The following MUSK variants were observed in gnomAD, a reference collection of about 807,000 sequenced individuals.
MUSK encodes muscle, skeletal receptor tyrosine-protein kinase.
Under a neutral mutation model 88.7 loss-of-function variants are expected in MUSK, and 55 were observed. The ratio of observed to expected loss-of-function variants is 0.62; its 90% confidence interval spans 0.50 to 0.78. The LOEUF (loss-of-function observed/expected upper bound fraction) is 0.78, where lower values mean the gene tolerates loss of function less well. MUSK is among the 30% of genes least tolerant of loss of function. The pLI is 0.00. For synonymous variants in MUSK, 387 were observed against 391.9 expected (o/e 0.99, Z 0.15); for missense variants, 1,015 against 1,074.3 (o/e 0.94, Z 0.77).
intron 14 of MUSK, among the ~76,000 whole-genome samples, chr9:110,799,983 C>T (rs1018993146): frequency 2.0e-5 from 3 of 152,128 alleles, no homozygotes; most frequent in Non-Finnish European, 2.9e-5. Context: ...AGAACTGATA[C>T]ACCATGTACT....
chr9:110,701,358 G>T (rs1587925222), intron 5 of MUSK, among the ~76,000 whole-genome samples: 1 of 152,202 alleles, frequency 6.6e-6, no homozygotes, highest in Non-Finnish European at 1.5e-5. Context: ...GTTTTGTCAG[G>T]AAGGAAAATA....
chr9:110,742,659 T>C (rs1026098733), intron 6 of MUSK, among the ~76,000 whole-genome samples: 3 of 152,218 alleles, frequency 2.0e-5, no homozygotes, highest in South Asian at 2.1e-4. Context: ...TAGTTTAAGA[T>C]AGTTGAGGCC....
intron 6 of MUSK, among the ~76,000 whole-genome samples, chr9:110,742,183 G>A (rs1477520978): frequency 6.6e-6 from 1 of 152,108 alleles, no homozygotes; most frequent in Non-Finnish European, 1.5e-5. Context: ...TGGGCCGGGT[G>A]CGGTGACTCA....
intron 7 of MUSK, among the ~76,000 whole-genome samples, chr9:110,755,951 CACATATATATATACATATATATATAT>C (rs2077311228): frequency 2.0e-5 from 2 of 101,792 alleles, no homozygotes; most frequent in African/African-American, 4.3e-5. Flanking sequence ...TATATATATA[CACATATATATATACATATATATATAT>C]ACATATATAT....
rs528571423 is a variant in MUSK, at chr9:110,801,950, T to C, written c.*962T>C. Among the ~76,000 whole-genome samples, 36 of 152,316 alleles carry C rather than the reference T, an allele frequency of 2.4e-4. No homozygotes were observed. The highest frequency in any genetic ancestry group is 8.7e-4 in the African/African-American group (36 of 41,568). ...ATATGCCTTTTGCAAAGTATTACTATTTTTCCTGCATTTGCCTTTGAAGCC... is the reference window on the plus strand; with the variant it reads ...ATATGCCTTTTGCAAAGTATTACTACTTTTCCTGCATTTGCCTTTGAAGCC... On this transcript the variant is annotated 3_prime_UTR_variant, in exon 15 of 15. Coordinates refer to ENST00000374448, the MANE Select transcript of MUSK (RefSeq NM_005592.4).
chr9:110,719,472 T>C (rs143788650), intron 5 of MUSK, among the ~76,000 whole-genome samples: 114 of 151,836 alleles, frequency 7.5e-4, no homozygotes, highest in African/African-American at 2.6e-3. Context: ...TATAGAGCAA[T>C]AGCAGTTAAG....
At chr9:110,675,733 C>A (rs1210122265) in intron 1 of MUSK, among the ~76,000 whole-genome samples, 2 of 150,496 alleles carry the variant, frequency 1.3e-5, no homozygotes, top group African/African-American at 2.5e-5. Flanking sequence ...CCACACCCAG[C>A]TAATTTTTGT....
At chr9:110,690,237 A>T (rs1216112349) in intron 3 of MUSK, among the ~76,000 whole-genome samples, 7 of 62,744 alleles carry the variant, frequency 1.1e-4, no homozygotes, top group African/African-American at 2.2e-4. Flanking sequence ...TATATATTTA[A>T]GTATATATAA....
rs1274259064 is a variant in MUSK at position 110,701,877 on chromosome 9, T to A, written c.628+4411T>A. ...TTATTTTATTTTATTTTATTTTATT[T>A]TATTTTATTTTATTTTATTTTATTT... On this transcript the variant is annotated intron_variant, in intron 5 of 14. Transcript: ENST00000374448. Among the ~76,000 whole-genome samples the A allele has an allele frequency of 8.9e-5, 8 of 89,538 alleles. 1 individual carries two copies. Among genetic ancestry groups the A allele is most frequent in the Non-Finnish European group, 1.6e-4 (8 of 50,882 alleles). The allele number at this position is 89,538 out of a possible 152,430, so 58.7% of individuals were successfully genotyped here.
intron 1 of MUSK, among the ~76,000 whole-genome samples, chr9:110,673,099 C>T (rs1276777966): frequency 6.6e-6 from 1 of 152,100 alleles, no homozygotes; most frequent in African/African-American, 2.4e-5. Flanking sequence ...TACAACTGAT[C>T]CATGTGATTG....
At chr9:110,744,991 C>T (rs146073444) in intron 6 of MUSK, among the ~76,000 whole-genome samples, 3 of 152,192 alleles carry the variant, frequency 2.0e-5, no homozygotes, top group Non-Finnish European at 4.4e-5. Context: ...ATCAAAAATA[C>T]TAAACTGTTG....
rs1375097086 is a variant in MUSK at position 110,690,016 on chromosome 9, T to TA, written c.358+2750dup. On this transcript the variant is annotated intron_variant, in intron 3 of 14. Transcript: ENST00000374448. Reference sequence around the variant, plus strand: ...TTATATATTATATATTATAAATATATAATATATATTATATATTAATATAAG... The same window carrying TA: ...TTATATATTATATATTATAAATATATAAATATATATTATATATTAATATAAG... Among the ~76,000 whole-genome samples the TA allele has an allele frequency of 3.5e-3, 328 of 93,534 alleles. 3 individuals carry two copies. Among genetic ancestry groups the TA allele is most frequent in the African/African-American group, 0.014 (316 of 21,800 alleles). 61.4% of individuals were successfully genotyped at this position (93,534 alleles called of 152,430 possible).
rs142361883 is a variant in MUSK, at chr9:110,733,319, G to T, written c.629-932G>T. On this transcript the variant is annotated intron_variant, in intron 5 of 14. Transcript: ENST00000374448. ...AAACCAACTTACTTAAATTAACAAA[G>T]ATTTGGTTTTCACTGCTATAAGATA... 3.5e-4 allele frequency among the ~76,000 whole-genome samples: 53 copies of T among 152,128 alleles called. No individual in the cohort carries two copies. In the East Asian group the frequency reaches 8.7e-3, roughly 25 times the overall value.
At chr9:110,676,948 C>T (rs1355620202) in intron 1 of MUSK, among the ~76,000 whole-genome samples, 2 of 152,148 alleles carry the variant, frequency 1.3e-5, no homozygotes, top group East Asian at 1.9e-4. Context: ...TCTTCAGCTG[C>T]CTACCAGCAA....
intron 7 of MUSK, among the ~76,000 whole-genome samples, chr9:110,757,748 T>C (rs756271612): frequency 6.6e-6 from 1 of 152,188 alleles, no homozygotes; most frequent in Non-Finnish European, 1.5e-5. Context: ...TTTTGATTAT[T>C]ATTGTCTCCT....
At chr9:110,713,437 T>G (rs1467666653) in intron 5 of MUSK, among the ~76,000 whole-genome samples, 2 of 152,090 alleles carry the variant, frequency 1.3e-5, no homozygotes, top group Non-Finnish European at 2.9e-5. Flanking sequence ...TTCTTGTATT[T>G]TTAGTGGAGA....
At chr9:110,789,906 C>A (rs908788835) in intron 14 of MUSK, among the ~76,000 whole-genome samples, 2 of 152,064 alleles carry the variant, frequency 1.3e-5, no homozygotes, top group Admixed American at 1.3e-4. Flanking sequence ...GACATGAATC[C>A]AAGGCTATTG....
chr9:110,725,070 G>A (rs553552974), intron 5 of MUSK, among the ~76,000 whole-genome samples: 30 of 152,012 alleles, frequency 2.0e-4, no homozygotes, highest in African/African-American at 6.7e-4. Flanking sequence ...CAGAAATAAC[G>A]CATTAGAAAT....
intron 7 of MUSK, 61 bp from the exon 8 acceptor site, chr9:110,762,141 A>G: frequency 7.8e-7 from 1 of 1,287,408 alleles, no homozygotes; most frequent in Non-Finnish European, 1.0e-6. Context: ...AAAATGTACT[A>G]ACGTTCTTTC....
Sources: gnomAD v4.1 joint callset for allele counts (sites outside exome capture counted in the v4.1 genomes callset) on GRCh38, gnomAD v4.1.1 for gene constraint, MANE v1.5 for transcripts, NCBI Gene and HGNC (gene_info 2026-07-23, HGNC 2026-07-21) for gene names.